DPH1: variants seen among roughly 807,000 people sequenced by gnomAD.
The protein encoded by DPH1 is diphthamide biosynthesis 1.
DPH1 carries 59 observed loss-of-function variants against 55.3 expected under a neutral mutation model. The observed-to-expected ratio is 1.07, with a 90% CI of 0.87 to 1.33. DPH1 has a LOEUF of 1.33. DPH1 is among the 40% of genes most tolerant of loss of function. DPH1 has a pLI of 0.00. For synonymous variants in DPH1, 238 were observed against 235.5 expected, an observed-to-expected ratio of 1.01 and a Z score of -0.10; for missense variants, 628 against 584.8, an observed-to-expected ratio of 1.07 and a Z score of -0.76.
At chr17:2,041,940 C>A in intron 12 of DPH1, 65 bp downstream of exon 12, 1 of 1,526,734 alleles carries the variant, frequency 6.5e-7, no homozygotes, top group Non-Finnish European at 8.7e-7. Flanking sequence ...CTTGGCGCTC[C>A]GAGGCCCGCC....
chr17:2,040,205 G>C lies in DPH1; in HGVS notation c.750-13G>C. 6.2e-7 allele frequency: 1 copy of C among 1,613,358 alleles called. No individual in the cohort carries two copies. ...AGTGGCTGCCACAGTGACCCTGACT[G>C]CTTCTTTTCCAGGTATGACCCATAT... On this transcript the variant is annotated splice_polypyrimidine_tract_variant and intron_variant, in intron 7 of 12. Coordinates refer to ENST00000263083, the MANE Select transcript of DPH1 (RefSeq NM_001383.6).
At chr17:2,040,439 T>G in intron 8 of DPH1, 65 bp downstream of exon 8, 1 of 1,613,684 alleles carries the variant, frequency 6.2e-7, no homozygotes, top group Non-Finnish European at 8.5e-7. Context: ...GGAAAACCAG[T>G]AGGCCACAGG....
chr17:2,041,991 T>TGCTTCCGCTCGGGGAAAGACC, intron 12 of DPH1, 116 bp downstream of exon 12: 7 of 1,490,550 alleles, frequency 4.7e-6, no homozygotes, highest in Non-Finnish European at 6.2e-6. Flanking sequence ...CCGTGCATTG[T>TGCTTCCGCTCGGGGAAAGACC]GCTTCCGCTC....
At chr17:2,032,734 TTTTTA>T (rs1284134810) in intron 1 of DPH1, among the ~76,000 whole-genome samples, 1 of 151,938 alleles carries the variant, frequency 6.6e-6, no homozygotes, top group African/African-American at 2.4e-5. Context: ...AAGCAAAGGG[TTTTTA>T]TTTTATTTAT....
At chr17:2,037,052 A>C in intron 6 of DPH1, 96 bp downstream of exon 6, 3 of 1,507,164 alleles carry the variant, frequency 2.0e-6, no homozygotes, top group Non-Finnish European at 2.7e-6. Flanking sequence ...ACCAAATCTA[A>C]TGCTCCTTAC....
Position 2,042,975 on chromosome 17 carries a change from G to A in DPH1, c.*389G>A, listed in dbSNP as rs568652584. On this transcript the variant is annotated 3_prime_UTR_variant, in exon 13 of 13. Transcript: ENST00000263083. ...ACACTGACAAAGTCATCCCCTCTCA[G>A]GAGAGTGTGCAACTGGCCAGCCAAT... 35 of 1,614,148 alleles carry A rather than the reference G, an allele frequency of 2.2e-5. No individual in the cohort carries two copies. The highest frequency in any genetic ancestry group is 3.3e-4 in the Middle Eastern group (2 of 6,062).
At chr17:2,032,122 G>A (rs1237102302) in intron 1 of DPH1, among the ~76,000 whole-genome samples, 1 of 152,200 alleles carries the variant, frequency 6.6e-6, no homozygotes, top group African/African-American at 2.4e-5. Flanking sequence ...TGAGTCAGGA[G>A]GGCAGTCTTT....
chr17:2,033,923 T>G, intron 3 of DPH1, 81 bp downstream of exon 3: 1 of 1,536,926 alleles, frequency 6.5e-7, no homozygotes, highest in Non-Finnish European at 8.9e-7. Flanking sequence ...GGTAAAGCCC[T>G]GGTGGCGGGC....
chr17:2,042,045 A>C, intron 12 of DPH1, 170 bp downstream of exon 12: 1 of 1,522,278 alleles, frequency 6.6e-7, no homozygotes, highest in Non-Finnish European at 8.8e-7. Context: ...CTTGCCGGGC[A>C]TAATGGCCGC....
Position 2,041,121 on chromosome 17 carries a change from T to C in DPH1, c.1026T>C (p.Cys342=). ...TTCCCAGGTGGGTGCAGGTGGCATG[T>C]CCACGTCTCTCCATTGACTGGGGCA... ...PEVDVWVQVA[C]PRLSIDWGTA... is the part of the protein sequence containing the mutation. Residue 342 remains cysteine (C), a synonymous_variant, in exon 10 of 13, where the codon TGT becomes TGC. Coordinates refer to ENST00000263083, the MANE Select transcript of DPH1 (RefSeq NM_001383.6). The C allele has an allele frequency of 1.2e-6, 2 of 1,603,704 alleles. No homozygotes were observed. Among genetic ancestry groups the C allele is most frequent in the East Asian group, 4.5e-5 (2 of 44,672 alleles).
chr17:2,033,010 G>A (rs1597274772), intron 1 of DPH1, among the ~76,000 whole-genome samples: 1 of 152,212 alleles, frequency 6.6e-6, no homozygotes, highest in East Asian at 1.9e-4. Context: ...GGGATTACAG[G>A]CGTGAGCCAC....
Position 2,036,373 on chromosome 17 carries a change from A to G in DPH1, c.401-156A>G. On this transcript the variant is annotated intron_variant, in intron 4 of 12. Coordinates refer to ENST00000263083, the MANE Select transcript of DPH1 (RefSeq NM_001383.6). The surrounding 1 kb of genome is among the most constrained non-coding windows in gnomAD (Gnocchi z 4.8). ...TGACAGAGAAGTCTGATTGAGAAGG[A>G]GCTTCTAGGGGATCTGTGACCCCCC... 1 of 1,118,134 alleles carries G rather than the reference A, an allele frequency of 8.9e-7. No individual in the cohort carries two copies. The highest frequency in any genetic ancestry group is 1.3e-6 in the Non-Finnish European group (1 of 785,330). The allele number at this position is 1,118,134 out of a possible 1,614,324, so 69.3% of individuals were successfully genotyped here.
In DPH1 at chr17:2,040,067, TC is replaced by T. The variant is rs1339124332; in HGVS notation, c.750-149del. On this transcript the variant is annotated intron_variant, in intron 7 of 12. Transcript: ENST00000263083. The stretch of plus-strand genomic sequence containing the variant: ...TCTGCTCCAGCTGTGGGACAGGTCT[TC>T]CTAATGACAGTCCCCGCTCTTGCCT... 2.5e-6 allele frequency: 3 copies of T among 1,212,734 alleles called. No individual in the cohort carries two copies. The East Asian group carries it at 7.2e-5, about 29-fold the overall frequency. 75.1% of individuals were successfully genotyped at this position (1,212,734 alleles called of 1,614,324 possible). A position where few individuals can be genotyped will look rare whatever the true frequency, so the allele number is the denominator to read the frequency against.
chr17:2,040,073 T>C (rs2067490493), intron 7 of DPH1, 145 bp from the exon 8 acceptor site: 2 of 1,241,814 alleles, frequency 1.6e-6, no homozygotes, highest in Admixed American at 2.2e-5. Flanking sequence ...GTCTTCCTAA[T>C]GACAGTCCCC....
intron 12 of DPH1, 89 bp from the exon 13 acceptor site, chr17:2,042,516 C>T (rs950950274): frequency 7.6e-6 from 11 of 1,455,462 alleles, no homozygotes; most frequent in Admixed American, 2.6e-5. Context: ...TTCTCTCTGT[C>T]ATCTCGAACC....
At chr17:2,030,422 C>A (rs1211605662) in intron 1 of DPH1, among the ~76,000 whole-genome samples, 192 bp downstream of exon 1, 1 of 152,228 alleles carries the variant, frequency 6.6e-6, no homozygotes, top group African/African-American at 2.4e-5. Flanking sequence ...TCTTTTGCAG[C>A]TTTAGGGCAC....
rs571132032 is a variant in DPH1, at chr17:2,042,807, T to C, written c.*221T>C. The stretch of plus-strand genomic sequence containing the variant: ...GGGCTGCGCTAGCAGCCCTTGTGTG[T>C]GCCCTGGGCCAGGCAGGCGATCCCC... On this transcript the variant is annotated 3_prime_UTR_variant, in exon 13 of 13. Coordinates refer to ENST00000263083, the MANE Select transcript of DPH1 (RefSeq NM_001383.6). 33 of 1,614,036 alleles carry C rather than the reference T, an allele frequency of 2.0e-5. 1 individual carries two copies. The Admixed American group carries it at 3.7e-4, about 18-fold the overall frequency.
intron 1 of DPH1, among the ~76,000 whole-genome samples, chr17:2,031,565 CAAAAA>C (rs56410346): frequency 1.0e-4 from 7 of 69,660 alleles, no homozygotes; most frequent in Admixed American, 1.9e-4. Context: ...GACTCTGTCT[CAAAAA>C]AAAAAAAAAA....
chr17:2,034,435 C>T (rs1475351023), intron 3 of DPH1, among the ~76,000 whole-genome samples: 1 of 151,208 alleles, frequency 6.6e-6, no homozygotes, highest in Admixed American at 6.6e-5. Flanking sequence ...GAGGTCATCT[C>T]ATGCTGGGAA....
Sources: allele counts gnomAD v4.1 joint callset (sites outside exome capture counted in the v4.1 genomes callset), GRCh38; gene constraint gnomAD v4.1.1; non-coding constraint Gnocchi (gnomAD v3.1); transcripts MANE v1.5; gene names NCBI Gene and HGNC (gene_info 2026-07-23, HGNC 2026-07-21).